The following TSNARE1 variants were observed in gnomAD, a reference collection of about 807,000 sequenced individuals.
The protein encoded by TSNARE1 is t-SNARE domain-containing protein 1.
In TSNARE1, 49 loss-of-function variants were observed where a neutral mutation model predicts 62.0. The observed-to-expected ratio is 0.79, with a 90% CI of 0.63 to 1.00. The LOEUF (loss-of-function observed/expected upper bound fraction) is 1.00, where lower values mean the gene tolerates loss of function less well. TSNARE1 is among the 50% of genes least tolerant of loss of function. The pLI is 0.00. For missense variants in TSNARE1, 755 were observed against 700.1 expected (o/e 1.08, Z -0.88); for synonymous variants, 328 against 294.4 (o/e 1.11, Z -1.17).
intron 2 of TSNARE1, among the ~76,000 whole-genome samples, chr8:142,352,039 C>G (rs1344024202): frequency 6.6e-6 from 1 of 152,352 alleles, no homozygotes; most frequent in African/African-American, 2.4e-5. Context: ...GTGCGAGTCC[C>G]GAAGGGAATG....
intron 12 of TSNARE1, among the ~76,000 whole-genome samples, chr8:142,260,570 G>T (rs568823068): frequency 2.6e-5 from 4 of 152,134 alleles, no homozygotes; most frequent in Non-Finnish European, 5.9e-5. Context: ...GCCACCATCT[G>T]ACCCAGCCTC....
chr8:142,279,905 C>T (rs1428773017), intron 11 of TSNARE1: 10 of 1,040,048 alleles, frequency 9.6e-6, no homozygotes, highest in Middle Eastern at 4.7e-4. Flanking sequence ...GGACCGTGGG[C>T]AGAAAAGGTC....
chr8:142,302,875 G>A (rs189395739), intron 9 of TSNARE1, among the ~76,000 whole-genome samples: 1 of 152,266 alleles, frequency 6.6e-6, no homozygotes, highest in African/African-American at 2.4e-5. Context: ...TGTGCCTAGG[G>A]ACAGCACTGT....
chr8:142,345,634 TC>T, intron 3 of TSNARE1, 108 bp downstream of exon 3: 2 of 1,344,956 alleles, frequency 1.5e-6, no homozygotes, highest in Non-Finnish European at 9.9e-7. Context: ...TGCCTCCTGG[TC>T]CCAGCCTCCT....
intron 10 of TSNARE1, among the ~76,000 whole-genome samples, chr8:142,288,233 G>T (rs911517047): frequency 6.6e-6 from 1 of 152,230 alleles, no homozygotes; most frequent in Non-Finnish European, 1.5e-5. Flanking sequence ...GTGGAAGAGG[G>T]GCAGCTGCGA....
rs180686731 is a variant in TSNARE1 at position 142,229,453 on chromosome 8, C to T, written c.*11+20G>A. On this transcript the variant is annotated intron_variant, in intron 13 of 13. Transcript: ENST00000524325. ...GATGTGCAGATGAATGGATGGTGTACGGGTAGGTGGGGTACTCACCACGGG... is the reference window on the plus strand; with the variant it reads ...GATGTGCAGATGAATGGATGGTGTATGGGTAGGTGGGGTACTCACCACGGG... The T allele has an allele frequency of 5.1e-4, 807 of 1,580,020 alleles. 2 individuals carry two copies. The highest frequency in any genetic ancestry group is 1.3e-3 in the Middle Eastern group (8 of 6,026).
chr8:142,272,756 A>AT, intron 12 of TSNARE1: 1 of 969,998 alleles, frequency 1.0e-6, no homozygotes, highest in Non-Finnish European at 1.2e-6. Context: ...GGAGCAGGAC[A>AT]TTCTACGCAG....
intron 1 of TSNARE1, among the ~76,000 whole-genome samples, chr8:142,365,399 A>C (rs115668725): frequency 0.012 from 1,810 of 152,362 alleles, 38 homozygotes; most frequent in African/African-American, 0.041. Context: ...CGTTTTGCTA[A>C]AAAGAACACA....
rs59519997 is a variant in TSNARE1 at position 142,373,107 on chromosome 8, T to G, written c.-39-18344A>C. Among the ~76,000 whole-genome samples, 846 of 152,310 alleles carry G rather than the reference T, an allele frequency of 5.6e-3. 24 individuals carry two copies. The South Asian group carries it at 0.076, about 14-fold the overall frequency. On this transcript the variant is annotated intron_variant, in intron 1 of 13. Coordinates refer to ENST00000524325, the MANE Select transcript of TSNARE1 (RefSeq NM_145003.5). Reference sequence around the variant, plus strand: ...GGGTCTCTCTCTCGGACTGTGTCTGTGTCTCCCTCAGCCTCTGTCTCTGGG... The same window carrying G: ...GGGTCTCTCTCTCGGACTGTGTCTGGGTCTCCCTCAGCCTCTGTCTCTGGG...
At chr8:142,296,636 G>A (rs959318683) in intron 10 of TSNARE1, among the ~76,000 whole-genome samples, 3 of 152,008 alleles carry the variant, frequency 2.0e-5, no homozygotes, top group Admixed American at 6.5e-5. Context: ...GGACCAACCA[G>A]AGACTCCCCG....
chr8:142,236,597 G>T (rs147047912), intron 12 of TSNARE1, among the ~76,000 whole-genome samples: 8 of 150,856 alleles, frequency 5.3e-5, no homozygotes, highest in East Asian at 2.0e-4. Flanking sequence ...ATAAATGAAT[G>T]AATTAATTAA....
At chr8:142,260,417 A>G (rs919106964) in intron 12 of TSNARE1, among the ~76,000 whole-genome samples, 1 of 152,038 alleles carries the variant, frequency 6.6e-6, no homozygotes, top group Non-Finnish European at 1.5e-5. Context: ...CTCTCAAGGG[A>G]CTCAGCCCTC....
intron 1 of TSNARE1, among the ~76,000 whole-genome samples, chr8:142,355,985 A>T (rs1586994513): frequency 6.6e-6 from 1 of 152,228 alleles, no homozygotes. Flanking sequence ...TGCGGATCGC[A>T]CCTACTAACA....
At chr8:142,352,828 G>A (rs1179689947) in intron 2 of TSNARE1, among the ~76,000 whole-genome samples, 1 of 152,196 alleles carries the variant, frequency 6.6e-6, no homozygotes, top group East Asian at 1.9e-4. Flanking sequence ...GGAGGCAGGA[G>A]GGTAAAGGAG....
intron 1 of TSNARE1, among the ~76,000 whole-genome samples, chr8:142,378,887 T>C (rs1587083388): frequency 6.6e-6 from 1 of 152,048 alleles, no homozygotes; most frequent in Non-Finnish European, 1.5e-5. Context: ...AGCCTCTGAG[T>C]GTGAGCTCCT....
At chr8:142,277,132 C>T in intron 11 of TSNARE1, 2 of 985,362 alleles carry the variant, frequency 2.0e-6, no homozygotes, top group Non-Finnish European at 2.4e-6. Flanking sequence ...TGGAGGCCCC[C>T]AGTCTGTGAG....
At chr8:142,330,721 C>T (rs1281548875) in intron 6 of TSNARE1, among the ~76,000 whole-genome samples, 180 bp downstream of exon 6, 1 of 152,232 alleles carries the variant, frequency 6.6e-6, no homozygotes, top group Non-Finnish European at 1.5e-5. Context: ...CTCAGGTTCA[C>T]AGCACTGACT....
intron 5 of TSNARE1, among the ~76,000 whole-genome samples, chr8:142,331,416 A>G (rs574091227): frequency 5.3e-5 from 8 of 152,276 alleles, no homozygotes; most frequent in African/African-American, 1.9e-4. Flanking sequence ...AGATCACACA[A>G]AAGGTGTCAA....
intron 12 of TSNARE1, among the ~76,000 whole-genome samples, chr8:142,236,792 T>C (rs1417996119): frequency 1.3e-5 from 2 of 152,164 alleles, no homozygotes; most frequent in Non-Finnish European, 2.9e-5. Context: ...AATCGGTGCA[T>C]ATTCATTGCC....
Sources: allele counts gnomAD v4.1 joint callset (sites outside exome capture counted in the v4.1 genomes callset), GRCh38; gene constraint gnomAD v4.1.1; transcripts MANE v1.5; gene names NCBI Gene and HGNC (gene_info 2026-07-23, HGNC 2026-07-21).